NTRK3: variants seen among roughly 807,000 people sequenced by gnomAD.
NTRK3 encodes NT-3 growth factor receptor.
Under a neutral mutation model 91.7 loss-of-function variants are expected in NTRK3, and 24 were observed. The ratio of observed to expected loss-of-function variants is 0.26; its 90% CI spans 0.19 to 0.37. The LOEUF (loss-of-function observed/expected upper bound fraction) is 0.37. Ranked by LOEUF, NTRK3 falls within the 10% of genes least tolerant of loss-of-function variation. The pLI, the probability that NTRK3 is intolerant of heterozygous loss-of-function variation, is 1.00. For missense variants in NTRK3, 880 were observed against 1,068.9 expected, an observed-to-expected ratio of 0.82 and a Z score of 2.46; for synonymous variants, 483 against 404.0, an observed-to-expected ratio of 1.20 and a Z score of -2.34.
At chr15:87,974,944 C>T (rs2073596186) in intron 14 of NTRK3, among the ~76,000 whole-genome samples, 1 of 152,078 alleles carries the variant, frequency 6.6e-6, no homozygotes, top group Non-Finnish European at 1.5e-5. Context: ...AGAAGATGTG[C>T]TACTTTAGGG....
At chr15:88,256,016 C>G (rs776650676) in exon 3 of NTRK3, 36 of 1,613,576 alleles carry the variant, frequency 2.2e-5, no homozygotes, top group Non-Finnish European at 2.8e-5. Context: ...CGTCCGGCCG[C>G]CGGCAATTGA....
At chr15:88,149,746 T>C (rs1292867297) in intron 5 of NTRK3, among the ~76,000 whole-genome samples, 1 of 152,220 alleles carries the variant, frequency 6.6e-6, no homozygotes, top group African/African-American at 2.4e-5. Context: ...ACTGAGTCAC[T>C]AACCACACCC....
At chr15:88,251,963 T>C (rs1193465461) in intron 3 of NTRK3, among the ~76,000 whole-genome samples, 1 of 152,126 alleles carries the variant, frequency 6.6e-6, no homozygotes, top group African/African-American at 2.4e-5. Context: ...CCAGGGTGTA[T>C]GACAGAAGCT....
At chr15:88,132,883 G>C (rs1309140401) in intron 10 of NTRK3, among the ~76,000 whole-genome samples, 1 of 152,178 alleles carries the variant, frequency 6.6e-6, no homozygotes, top group African/African-American at 2.4e-5. Context: ...AGATGGGTCT[G>C]AGGAAATGAC....
chr15:87,927,674 G>C (rs1436622046), intron 17 of NTRK3: 1 of 152,174 alleles, frequency 6.6e-6, no homozygotes, highest in African/African-American at 2.4e-5. Context: ...AGATGCCAGA[G>C]AGATCTGTTA....
chr15:87,878,077 A>G (rs2065034279), intron 18 of NTRK3, among the ~76,000 whole-genome samples: 1 of 152,124 alleles, frequency 6.6e-6, no homozygotes. Context: ...TCAAGGCTTC[A>G]TTGTCTAGTT....
chr15:88,197,474 G>A lies in NTRK3; in HGVS notation c.249-13175C>T, dbSNP rs557804427. Among the ~76,000 whole-genome samples, 91 of 152,182 alleles carry A rather than the reference G, an allele frequency of 6.0e-4. 4 individuals carry two copies. Among genetic ancestry groups the A allele is most frequent in the Admixed American group, 5.9e-4 (9 of 15,284 alleles). On this transcript the variant is annotated intron_variant, in intron 3 of 18. Transcript: ENST00000394480. ...CAAGACATCCCAATGGCTATCAAAC[G>A]CCTCACACCAAACCAAACTTCTATT...
chr15:88,122,086 CAAGGA>C (rs2052772474), intron 13 of NTRK3, among the ~76,000 whole-genome samples: 1 of 152,002 alleles, frequency 6.6e-6, no homozygotes, highest in African/African-American at 2.4e-5. Flanking sequence ...CAACATATGA[CAAGGA>C]AATAAAGCAA....
chr15:88,031,078 G>A (rs2078492170), intron 14 of NTRK3, among the ~76,000 whole-genome samples: 1 of 152,194 alleles, frequency 6.6e-6, no homozygotes, highest in African/African-American at 2.4e-5. Flanking sequence ...AGTGGCCATG[G>A]CCATGAGTTC....
intron 13 of NTRK3, among the ~76,000 whole-genome samples, chr15:88,035,691 G>A (rs111566827): frequency 9.2e-5 from 14 of 152,222 alleles, no homozygotes; most frequent in African/African-American, 3.1e-4. Context: ...GCAAAGCTCC[G>A]GCATGGGAGA....
chr15:87,885,626 A>T (rs531741258), intron 17 of NTRK3, 68 bp downstream of exon 18: 39 of 829,664 alleles, frequency 4.7e-5, no homozygotes, highest in Non-Finnish European at 7.0e-5. Context: ...TATATGAAAC[A>T]ATGGCTTAGT....
At position 88,212,996 on chromosome 15, in the gene NTRK3, TG is replaced by T. The variant is rs2049395649; in HGVS notation, c.249-28698del. On this transcript the variant is annotated intron_variant, in intron 3 of 18. Coordinates refer to ENST00000394480, the Ensembl canonical transcript of NTRK3. ...TGCAGGGCTGTGGGGTCCCATCGCCTGGGCACCTGACGCCAACAGCCCATGC... is the reference window on the plus strand; with the variant it reads ...TGCAGGGCTGTGGGGTCCCATCGCCTGGCACCTGACGCCAACAGCCCATGC... Among the ~76,000 whole-genome samples, 2 of 152,360 alleles carry T rather than the reference TG, an allele frequency of 1.3e-5. 1 individual carries two copies. The highest frequency in any genetic ancestry group is 4.1e-4 in the South Asian group (2 of 4,830).
At chr15:88,003,275 T>C (rs1235109775) in intron 14 of NTRK3, among the ~76,000 whole-genome samples, 2 of 152,152 alleles carry the variant, frequency 1.3e-5, no homozygotes, top group African/African-American at 2.4e-5. Context: ...CTTTGAACAA[T>C]ACTATGAACC....
At chr15:88,065,329 A>G (rs1390830236) in intron 13 of NTRK3, among the ~76,000 whole-genome samples, 1 of 152,210 alleles carries the variant, frequency 6.6e-6, no homozygotes, top group Non-Finnish European at 1.5e-5. Flanking sequence ...CGTTCTTCTT[A>G]GTCCTGTTTC....
At chr15:88,216,266 G>A (rs1484101217) in intron 3 of NTRK3, among the ~76,000 whole-genome samples, 6 of 152,164 alleles carry the variant, frequency 3.9e-5, no homozygotes, top group African/African-American at 1.2e-4. Context: ...AGTTTGGTCT[G>A]CATTAGGAAG....
At chr15:87,889,988 T>TTA in intron 17 of NTRK3, among the ~76,000 whole-genome samples, 1 of 151,550 alleles carries the variant, frequency 6.6e-6, no homozygotes. Flanking sequence ...ATTTATTTAT[T>TTA]GTTGATGATC....
At chr15:87,901,055 G>A (rs1048338882) in intron 17 of NTRK3, among the ~76,000 whole-genome samples, 4 of 152,148 alleles carry the variant, frequency 2.6e-5, no homozygotes, top group East Asian at 1.9e-4. Flanking sequence ...GAAGGGTGTA[G>A]GCCAAGGGCA....
exon 19 of NTRK3, chr15:87,868,966 TAGAGGATTGC>T (rs2064757322): frequency 8.8e-6 from 2 of 227,534 alleles, no homozygotes; most frequent in Admixed American, 1.1e-4. Flanking sequence ...CTTGAATCCC[TAGAGGATTGC>T]AGAGCCCAGA....
At chr15:87,931,150 T>C in intron 16 of NTRK3, 1 of 497,422 alleles carries the variant, frequency 2.0e-6, no homozygotes, top group South Asian at 1.5e-5. Context: ...CTTCTTTCTC[T>C]TCCCTTTTAT....
Sources: allele counts gnomAD v4.1 joint callset (sites outside exome capture counted in the v4.1 genomes callset), GRCh38; gene constraint gnomAD v4.1.1; transcripts MANE v1.5; gene names NCBI Gene and HGNC (gene_info 2026-07-23, HGNC 2026-07-21).